The following ZBTB7C variants were observed in gnomAD, a reference collection of about 807,000 sequenced individuals.
The protein encoded by ZBTB7C is zinc finger and BTB domain-containing protein 7C.
ZBTB7C carries 8 observed loss-of-function variants against 25.7 expected under a neutral mutation model. That is an observed-to-expected ratio of 0.31 (90% CI 0.18 to 0.56). ZBTB7C has a LOEUF of 0.56. ZBTB7C is among the 20% of genes least tolerant of loss of function. ZBTB7C has a pLI of 0.91. For synonymous variants in ZBTB7C, 394 were observed against 369.0 expected, an observed-to-expected ratio of 1.07 and a Z score of -0.78; for missense variants, 824 against 855.2, an observed-to-expected ratio of 0.96 and a Z score of 0.46.
chr18:48,395,265 A>ATGTGTATG (rs2047996303), intron 1 of ZBTB7C, among the ~76,000 whole-genome samples: 1 of 103,624 alleles, frequency 9.7e-6, no homozygotes, highest in East Asian at 3.7e-4. Context: ...GAGAGAGAGA[A>ATGTGTATG]TGTGTGTGTG....
chr18:48,029,443 G>C lies in ZBTB7C; in HGVS notation c.1677C>G (p.Phe559Leu). 6.3e-7 allele frequency: 1 copy of C among 1,595,026 alleles called. No homozygotes were observed. The highest frequency in any genetic ancestry group is 8.5e-7 in the Non-Finnish European group (1 of 1,174,226). ...TCTCAGCCTCCAGCTGCGCGCGCCC[G>C]AACAGCTTCATCTGTGTCTCCTCGA... ...RQFEETQMKL[F>L]GRAQLEAERN... The change falls in exon 5 of 5, where the codon TTC becomes TTG. Residue 559 changes from phenylalanine (F) to leucine (L), a missense_variant. By Grantham distance (22) the Phe-to-Leu change is conservative. Coordinates refer to ENST00000590800, the MANE Select transcript of ZBTB7C (RefSeq NM_001318841.2).
intron 2 of ZBTB7C, among the ~76,000 whole-genome samples, chr18:48,279,220 T>C (rs929913345): frequency 2.0e-5 from 3 of 152,066 alleles, no homozygotes; most frequent in Non-Finnish European, 4.4e-5. Flanking sequence ...TGCTCCACCA[T>C]TAAAACGGAA....
At chr18:48,282,615 T>G (rs902935524) in intron 2 of ZBTB7C, among the ~76,000 whole-genome samples, 1 of 152,142 alleles carries the variant, frequency 6.6e-6, no homozygotes, top group African/African-American at 2.4e-5. Context: ...AATGCCCACC[T>G]ACAATAAGAT....
At chr18:48,135,110 C>T (rs1216286514) in intron 3 of ZBTB7C, among the ~76,000 whole-genome samples, 2 of 152,138 alleles carry the variant, frequency 1.3e-5, no homozygotes, top group African/African-American at 4.8e-5. Context: ...CTTCATCCAA[C>T]CCTTTGAGGG....
intron 1 of ZBTB7C, among the ~76,000 whole-genome samples, chr18:48,370,012 C>T (rs1236418570): frequency 2.6e-5 from 4 of 151,984 alleles, no homozygotes; most frequent in African/African-American, 4.8e-5. Flanking sequence ...CAAACCTCAA[C>T]GAATTGAAAA....
chr18:48,043,487 G>T lies in ZBTB7C; in HGVS notation c.-16-2364C>A, dbSNP rs1482894174. On this transcript the variant is annotated intron_variant, in intron 3 of 4. Transcript: ENST00000590800. ...CTGAGTGAAAAAAGCCAATCCCAAT[G>T]GGTTAGATATTGCATGATTCCATTT... is the stretch of plus-strand genomic sequence containing the variant. Among the ~76,000 whole-genome samples, 3 of 152,166 alleles carry T rather than the reference G, an allele frequency of 2.0e-5. No homozygotes were observed. The East Asian group carries it at 5.8e-4, about 29-fold the overall frequency.
chr18:48,071,208 G>A (rs2037527520), intron 3 of ZBTB7C, among the ~76,000 whole-genome samples: 2 of 152,192 alleles, frequency 1.3e-5, no homozygotes, highest in South Asian at 2.1e-4. Flanking sequence ...AGGGGGTATT[G>A]TGATTACCCA....
Position 48,115,225 on chromosome 18 carries a change from T to G in ZBTB7C, c.-17+70709A>C, listed in dbSNP as rs1437041815. 3.3e-5 allele frequency among the ~76,000 whole-genome samples: 5 copies of G among 152,330 alleles called. No homozygotes were observed. In the East Asian group the frequency reaches 9.6e-4, roughly 29 times the overall value. ...ACTTAGTACAGGGTTTTCAAGGTTG[T>G]TCCATGTTAAGCATGTATCAGAACT... On this transcript the variant is annotated intron_variant, in intron 3 of 4. Transcript: ENST00000590800.
intron 2 of ZBTB7C, among the ~76,000 whole-genome samples, chr18:48,305,630 T>C (rs1418652560): frequency 6.6e-6 from 1 of 152,204 alleles, no homozygotes; most frequent in Admixed American, 6.5e-5. Context: ...CATTATTACC[T>C]GTAAGACATG....
chr18:48,231,132 T>C (rs1207914168), intron 2 of ZBTB7C, among the ~76,000 whole-genome samples: 3 of 152,208 alleles, frequency 2.0e-5, no homozygotes, highest in East Asian at 1.9e-4. Flanking sequence ...GGCCGGTTAA[T>C]GGTAGCAGGA....
rs527499376 is a variant in ZBTB7C, at chr18:48,350,402, G to T, written c.-303-12004C>A. On this transcript the variant is annotated intron_variant, in intron 1 of 4. Transcript: ENST00000590800. Reference sequence around the variant, plus strand: ...TAGTTACGTCTCCCTCTCTGACCACGGCCAGGCAAGGTTCCTGCTTTTAAG... The same window carrying T: ...TAGTTACGTCTCCCTCTCTGACCACTGCCAGGCAAGGTTCCTGCTTTTAAG... The T allele has an allele frequency of 3.9e-5, 6 of 152,278 alleles. No homozygotes were observed. The South Asian group carries it at 6.2e-4, about 16-fold the overall frequency. 9.4% of individuals were successfully genotyped at this position (152,278 alleles called of 1,614,324 possible). A position where few individuals can be genotyped will look rare whatever the true frequency, so the allele number is the denominator to read the frequency against.
At chr18:48,375,278 T>G (rs2047493097) in intron 1 of ZBTB7C, among the ~76,000 whole-genome samples, 1 of 152,204 alleles carries the variant, frequency 6.6e-6, no homozygotes, top group South Asian at 2.1e-4. Context: ...CTGGCCACAT[T>G]CGGCAAGGCT....
upstream of ZBTB7C, among the ~76,000 whole-genome samples, chr18:48,409,950 G>C (rs540119429): frequency 6.8e-6 from 1 of 147,086 alleles, no homozygotes; most frequent in South Asian, 2.1e-4. Flanking sequence ...GGACCGCCGG[G>C]TATTTTTAGG....
chr18:48,373,997 A>G (rs1283443007), intron 1 of ZBTB7C, among the ~76,000 whole-genome samples: 2 of 146,974 alleles, frequency 1.4e-5, no homozygotes, highest in African/African-American at 5.0e-5. Context: ...CCTCCCTCCC[A>G]CTCTGTCTCT....
At chr18:48,280,418 T>C (rs2044802483) in intron 2 of ZBTB7C, among the ~76,000 whole-genome samples, 2 of 152,192 alleles carry the variant, frequency 1.3e-5, no homozygotes, top group Admixed American at 1.3e-4. Flanking sequence ...GGCACTAACC[T>C]GCTCAAAAGC....
chr18:48,112,645 G>A (rs1000486554), intron 3 of ZBTB7C, among the ~76,000 whole-genome samples: 6 of 152,084 alleles, frequency 3.9e-5, no homozygotes, highest in Non-Finnish European at 8.8e-5. Flanking sequence ...CACCATGCCC[G>A]GCCTACTTTT....
chr18:48,097,135 C>G (rs144984665), intron 3 of ZBTB7C, among the ~76,000 whole-genome samples: 1 of 152,250 alleles, frequency 6.6e-6, no homozygotes, highest in Non-Finnish European at 1.5e-5. Context: ...AGGAATCCCA[C>G]TCACTGAACA....
chr18:48,290,489 T>C (rs1050061646), intron 2 of ZBTB7C, among the ~76,000 whole-genome samples: 8 of 152,352 alleles, frequency 5.3e-5, no homozygotes, highest in African/African-American at 1.9e-4. Context: ...CGTGCCCTGC[T>C]CTTTGATTCG....
At chr18:48,030,057 C>A in intron 4 of ZBTB7C, 146 bp from the exon 5 acceptor site, 1 of 1,040,992 alleles carries the variant, frequency 9.6e-7, no homozygotes, top group Non-Finnish European at 1.4e-6. Context: ...TAGATCTACC[C>A]TCAACTGCTG....
Sources: gnomAD v4.1 joint callset for allele counts (sites outside exome capture counted in the v4.1 genomes callset) on GRCh38, gnomAD v4.1.1 for gene constraint, MANE v1.5 for transcripts, NCBI Gene and HGNC (gene_info 2026-07-23, HGNC 2026-07-21) for gene names.